The following TMF1 variants were observed in gnomAD, a reference collection of about 807,000 sequenced individuals.
TMF1 encodes the protein TATA element modulatory factor 1.
TMF1 carries 71 observed loss-of-function variants against 126.5 expected under a neutral mutation model. The ratio of observed to expected loss-of-function variants is 0.56; its 90% CI spans 0.46 to 0.68. The LOEUF is 0.68. Among genes scored for constraint, TMF1 ranks in the 30% least tolerant of loss-of-function variants. The probability of loss-of-function intolerance (pLI) is 0.00; values close to 1 mark genes in which losing one functional copy is unlikely to be tolerated. For missense variants in TMF1, 1,259 were observed against 1,253.2 expected (o/e 1.00, Z -0.07); for synonymous variants, 461 against 430.5 (o/e 1.07, Z -0.88).
chr3:69,030,040 A>T (rs368198729), intron 10 of TMF1, 33 bp from the exon 11 acceptor site: 34 of 1,573,676 alleles, frequency 2.2e-5, no homozygotes, highest in Non-Finnish European at 2.8e-5. Flanking sequence ...AATCACATAC[A>T]CATACAGCCC....
intron 4 of TMF1, among the ~76,000 whole-genome samples, chr3:69,043,339 T>A (rs536864552): frequency 6.6e-6 from 1 of 152,178 alleles, no homozygotes; most frequent in Admixed American, 6.5e-5. Context: ...CCAGCTAATC[T>A]TTGTATTTTT....
At chr3:69,040,979 T>G (rs2107465412) in intron 5 of TMF1, among the ~76,000 whole-genome samples, 1 of 152,088 alleles carries the variant, frequency 6.6e-6, no homozygotes, top group Admixed American at 6.5e-5. Flanking sequence ...TACCCTTTTG[T>G]GAAATGTAAA....
intron 5 of TMF1, chr3:69,040,467 A>T (rs1384113993): frequency 6.6e-6 from 1 of 152,150 alleles, no homozygotes; most frequent in African/African-American, 2.4e-5. Flanking sequence ...GGTATTTGTA[A>T]CCTCCTTTCA....
chr3:69,032,652 C>T (rs1343766179), intron 10 of TMF1, among the ~76,000 whole-genome samples: 3 of 151,198 alleles, frequency 2.0e-5, no homozygotes, highest in African/African-American at 7.3e-5. Flanking sequence ...GCTCTGTCAC[C>T]CAGGCTGGAG....
intron 2 of TMF1, among the ~76,000 whole-genome samples, chr3:69,046,842 T>C (rs1351205077): frequency 1.3e-5 from 2 of 152,170 alleles, no homozygotes; most frequent in Admixed American, 6.5e-5. Context: ...TAAGGATATA[T>C]ACTCCTTATA....
Position 69,051,974 on chromosome 3 carries a change from C to G in TMF1, c.113G>C (p.Trp38Ser). Residue 38 changes from tryptophan to serine, a missense_variant, in exon 1 of 17, where the codon TGG becomes TCG. Transcript: ENST00000398559. Reference sequence around the variant, plus strand: ...CTCTCCATACGGAATGGTCTCGGCCCAGATGCTCGGCTCCTCTTCCTGGAT... The same window carrying G: ...CTCTCCATACGGAATGGTCTCGGCCGAGATGCTCGGCTCCTCTTCCTGGAT... ...LDIQEEEPSI[W>S]AETIPYGEPG... is the part of the protein sequence containing the mutation. The G allele has an allele frequency of 6.2e-7, 1 of 1,614,016 alleles. No individual in the cohort carries two copies. Among genetic ancestry groups the G allele is most frequent in the South Asian group, 1.1e-5 (1 of 91,056 alleles).
rs777000112 is a variant in TMF1, at chr3:69,047,669, C to T, written c.1036G>A (p.Asp346Asn). 3.1e-6 allele frequency: 5 copies of T among 1,613,742 alleles called. 1 individual carries two copies. In the Middle Eastern group the frequency reaches 4.9e-4, roughly 160 times the overall value. ...SRSVSEINSD[D>N]ELSGKGYALV... ...GCATATCCCTTGCCTGACAATTCATCATCTGAATTGATTTCACTTACACTC... is the reference window on the plus strand; with the variant it reads ...GCATATCCCTTGCCTGACAATTCATTATCTGAATTGATTTCACTTACACTC... Residue 346 changes from aspartate to asparagine, a missense_variant, in exon 2 of 17, where the codon GAT (aspartate) becomes AAT (asparagine). Transcript: ENST00000398559.
chr3:69,035,025 G>C lies in TMF1; in HGVS notation c.2242C>G (p.Gln748Glu), dbSNP rs748889586. 3 of 1,613,546 alleles carry C rather than the reference G, an allele frequency of 1.9e-6. No homozygotes were observed. In the South Asian group the frequency reaches 3.3e-5, roughly 18 times the overall value. Reference sequence around the variant, plus strand: ...GTTTTGGAAACCTGTGACAGTACCTGCTGAAGTTCACCGATCTCATGGCGT... The same window carrying C: ...GTTTTGGAAACCTGTGACAGTACCTCCTGAAGTTCACCGATCTCATGGCGT... ...YLRHEIGELQ[Q>E]RLQEAENRNQ... The change falls in exon 9 of 17, where the codon CAG becomes GAG. Residue 748 changes from glutamine (Q) to glutamate (E), a missense_variant and splice_region_variant. Transcript: ENST00000398559.
rs1364876014 is a variant in TMF1, at chr3:69,020,776, T to C, written c.*2401A>G. 6.6e-6 allele frequency: 1 copy of C among 152,140 alleles called. No homozygotes were observed. Among genetic ancestry groups the C allele is most frequent in the South Asian group, 2.1e-4 (1 of 4,830 alleles). The allele number at this position is 152,140 out of a possible 1,614,324, so 9.4% of individuals were successfully genotyped here. A position where few individuals can be genotyped will look rare whatever the true frequency, so the allele number is the denominator to read the frequency against. ...ATTTATTTGTAGATAAAGAGTAATA[T>C]ATGGTAATATGTAACTAGAAACTAT... On this transcript the variant is annotated 3_prime_UTR_variant, in exon 17 of 17. Transcript: ENST00000398559.
At chr3:69,028,882 T>C (rs756245817) in intron 11 of TMF1, among the ~76,000 whole-genome samples, 13 of 152,106 alleles carry the variant, frequency 8.5e-5, no homozygotes, top group Non-Finnish European at 1.6e-4. Context: ...CTCAAAACTA[T>C]TTTGTGGTGT....
At chr3:69,031,121 T>C (rs947241720) in intron 10 of TMF1, among the ~76,000 whole-genome samples, 2 of 152,160 alleles carry the variant, frequency 1.3e-5, no homozygotes, top group African/African-American at 2.4e-5. Flanking sequence ...GGAATTACAC[T>C]GAGTGAAAAA....
rs1332134825 is a variant in TMF1, at chr3:69,047,471, C to A, written c.1234G>T (p.Val412Phe). The A allele has an allele frequency of 2.5e-6, 4 of 1,614,154 alleles. No individual in the cohort carries two copies. The highest frequency in any genetic ancestry group is 3.4e-6 in the Non-Finnish European group (4 of 1,180,020). The change falls in exon 2 of 17, where the codon GTT becomes TTT. Residue 412 changes from valine (V) to phenylalanine (F), a missense_variant. Coordinates refer to ENST00000398559, the MANE Select transcript of TMF1 (RefSeq NM_007114.3). ...CCTTCATTTATTGGTGTGGAAGAAA[C>A]CAAGATATCAGGCTGTTCACAGTTA... is the stretch of plus-strand genomic sequence containing the variant. ...PVNCEQPDILVSSTPINEGQT... is the reference protein window; with the variant it reads ...PVNCEQPDILFSSTPINEGQT...
At chr3:69,035,200 C>A in intron 8 of TMF1, 85 bp from the exon 9 acceptor site, 2 of 1,095,802 alleles carry the variant, frequency 1.8e-6, no homozygotes, top group South Asian at 1.3e-5. Flanking sequence ...TGTGTTGTGT[C>A]AACATTGTTC....
intron 15 of TMF1, 85 bp from the exon 16 acceptor site, chr3:69,024,265 GT>G (rs1258609852): frequency 2.1e-4 from 240 of 1,122,892 alleles, no homozygotes; most frequent in Middle Eastern, 6.9e-4. Context: ...TAATGTGTGT[GT>G]GGTTTTTTTT....
intron 8 of TMF1, 27 bp from the exon 9 acceptor site, chr3:69,035,142 C>G: frequency 1.3e-6 from 2 of 1,570,396 alleles, no homozygotes; most frequent in Non-Finnish European, 1.8e-6. Context: ...AATACATTCA[C>G]AAACAATGGT....
In TMF1 at chr3:69,020,093, CTT is replaced by C. The variant is rs1371020389; in HGVS notation, c.*3082_*3083del. 2 of 151,956 alleles carry C rather than the reference CTT, an allele frequency of 1.3e-5. No homozygotes were observed. The highest frequency in any genetic ancestry group is 2.9e-5 in the Non-Finnish European group (2 of 67,936). 9.4% of individuals were successfully genotyped at this position (151,956 alleles called of 1,614,324 possible). On this transcript the variant is annotated 3_prime_UTR_variant, in exon 17 of 17. Coordinates refer to ENST00000398559, the MANE Select transcript of TMF1 (RefSeq NM_007114.3). The stretch of plus-strand genomic sequence containing the variant: ...AACAAGATAAAACATCTACAGTTTT[CTT>C]TTTTCTTCTATTTTCTAAATATTAT...
intron 11 of TMF1, among the ~76,000 whole-genome samples, chr3:69,028,900 C>T (rs2091783936): frequency 6.6e-6 from 1 of 151,702 alleles, no homozygotes; most frequent in African/African-American, 2.4e-5. Context: ...TGTTATAGGC[C>T]CCTTTAAAAA....
At position 69,022,075 on chromosome 3, in the gene TMF1, C is replaced by T. The variant is rs2091741521; in HGVS notation, c.*1102G>A. ...ATATTTCACAGGTTTAAAACACAAC[C>T]TGGTTACCTTTTTGAATAAAATAAC... is the stretch of plus-strand genomic sequence containing the variant. On this transcript the variant is annotated 3_prime_UTR_variant, in exon 17 of 17. Transcript: ENST00000398559. 1 of 152,644 alleles carries T rather than the reference C, an allele frequency of 6.6e-6. No homozygotes were observed. Among genetic ancestry groups the T allele is most frequent in the Admixed American group, 6.5e-5 (1 of 15,282 alleles). The allele number at this position is 152,644 out of a possible 1,614,324, so 9.5% of individuals were successfully genotyped here.
chr3:69,044,420 T>G, intron 3 of TMF1, 72 bp downstream of exon 3: 1 of 791,246 alleles, frequency 1.3e-6, no homozygotes, highest in Non-Finnish European at 2.0e-6. Context: ...TTCAAAAACA[T>G]TCTTAAATAT....
Sources: allele counts gnomAD v4.1 joint callset (sites outside exome capture counted in the v4.1 genomes callset), GRCh38; gene constraint gnomAD v4.1.1; transcripts MANE v1.5; gene names NCBI Gene and HGNC (gene_info 2026-07-23, HGNC 2026-07-21).